Variants in PLEKHA5 observed in about 807,000 individuals in gnomAD.
The protein encoded by PLEKHA5 is pleckstrin homology domain-containing family A member 5.
PLEKHA5 carries 55 observed loss-of-function variants against 181.9 expected under a neutral mutation model. The ratio of observed to expected loss-of-function variants is 0.30; its 90% confidence interval spans 0.24 to 0.38. PLEKHA5 has a LOEUF of 0.38. Ranked by LOEUF, PLEKHA5 falls within the 10% of genes least tolerant of loss-of-function variation. The probability of loss-of-function intolerance (pLI) is 1.00; values close to 1 mark genes in which losing one functional copy is unlikely to be tolerated. For missense variants in PLEKHA5, 1,432 were observed against 1,549.5 expected, an observed-to-expected ratio of 0.92 and a Z score of 1.27; for synonymous variants, 535 against 529.4, an observed-to-expected ratio of 1.01 and a Z score of -0.15.
chr12:19,243,562 A>G (rs1489653116), intron 3 of PLEKHA5: 1 of 152,164 alleles, frequency 6.6e-6, no homozygotes, highest in Non-Finnish European at 1.5e-5. Context: ...TCTCCCAAGA[A>G]ATTGGAAATT....
chr12:19,371,918 A>G (rs1223636398), intron 31 of PLEKHA5: 3 of 152,252 alleles, frequency 2.0e-5, no homozygotes, highest in African/African-American at 7.2e-5. Flanking sequence ...ACTAGTTTAC[A>G]TTCCCACCAG....
At chr12:19,129,961 G>C (rs1168545648) in intron 1 of PLEKHA5, 73 bp downstream of exon 1, 1 of 1,470,652 alleles carries the variant, frequency 6.8e-7, no homozygotes, top group Non-Finnish European at 9.3e-7. Flanking sequence ...CGACACGGGG[G>C]AGAGCCCGGG....
chr12:19,250,498 G>A (rs1374666267), intron 3 of PLEKHA5, among the ~76,000 whole-genome samples: 2 of 151,982 alleles, frequency 1.3e-5, no homozygotes, highest in Admixed American at 6.6e-5. Context: ...CAGGAGAATC[G>A]CTTGAACCTG....
intron 30 of PLEKHA5, among the ~76,000 whole-genome samples, chr12:19,367,567 TTTTTA>T (rs199571526): frequency 2.0e-5 from 3 of 151,208 alleles, no homozygotes; most frequent in South Asian, 2.1e-4. Context: ...CTTTGCTTCT[TTTTTA>T]TTTTATTTTA....
rs116748533 is a variant in PLEKHA5 at position 19,137,110 on chromosome 12, G to A, written c.227+4660G>A. ...CCAGGCTGGCATGATCTCAGCTCAC[G>A]CAACGTCCACCTCCCGGGTTCAAGC... On this transcript the variant is annotated intron_variant, in intron 3 of 31. Transcript: ENST00000429027. Among the ~76,000 whole-genome samples the A allele has an allele frequency of 2.4e-3, 371 of 151,764 alleles. 3 individuals are homozygous for A. The highest frequency in any genetic ancestry group is 0.01 in the Middle Eastern group (3 of 292).
chr12:19,299,902 G>T (rs781432502), intron 15 of PLEKHA5, among the ~76,000 whole-genome samples: 15 of 152,202 alleles, frequency 9.9e-5, no homozygotes, highest in Non-Finnish European at 2.1e-4. Context: ...TAAGCCTTCA[G>T]TCTTCCACCA....
chr12:19,347,324 G>A (rs989732543), intron 24 of PLEKHA5, 142 bp downstream of exon 24: 9 of 397,246 alleles, frequency 2.3e-5, no homozygotes, highest in Non-Finnish European at 3.1e-5. Context: ...GTTTATATAT[G>A]ACTTTATCAT....
At chr12:19,181,733 G>T (rs1031751805) in intron 3 of PLEKHA5, among the ~76,000 whole-genome samples, 12 of 152,116 alleles carry the variant, frequency 7.9e-5, no homozygotes, top group African/African-American at 2.9e-4. Flanking sequence ...CCGAGATCGC[G>T]CCACTGCACT....
chr12:19,272,717 A>ATACG (rs1266172649), intron 10 of PLEKHA5, among the ~76,000 whole-genome samples: 2 of 152,208 alleles, frequency 1.3e-5, no homozygotes, highest in Non-Finnish European at 2.9e-5. Context: ...CCCCTGGGTT[A>ATACG]TACGGCAAGA....
chr12:19,177,216 T>C (rs969257816), intron 3 of PLEKHA5, among the ~76,000 whole-genome samples: 1 of 152,164 alleles, frequency 6.6e-6, no homozygotes, highest in Non-Finnish European at 1.5e-5. Flanking sequence ...ATGTCTCTTA[T>C]CAGTTTCCAA....
At chr12:19,227,667 G>A (rs1412463320) in intron 3 of PLEKHA5, among the ~76,000 whole-genome samples, 1 of 152,112 alleles carries the variant, frequency 6.6e-6, no homozygotes, top group African/African-American at 2.4e-5. Flanking sequence ...TAATTAACAT[G>A]CCTGTACCTA....
At chr12:19,259,810 CT>C (rs2067921158) in intron 6 of PLEKHA5, among the ~76,000 whole-genome samples, 1 of 106,308 alleles carries the variant, frequency 9.4e-6, no homozygotes, top group African/African-American at 3.8e-5. Flanking sequence ...TTTTTGGTTT[CT>C]TTTTTGGTAT....
At chr12:19,185,837 A>C (rs1354589459) in intron 3 of PLEKHA5, among the ~76,000 whole-genome samples, 1 of 152,238 alleles carries the variant, frequency 6.6e-6, no homozygotes, top group Non-Finnish European at 1.5e-5. Flanking sequence ...TTAACTAATT[A>C]ATAACACACA....
chr12:19,152,568 A>G (rs1409930482), intron 3 of PLEKHA5: 1 of 152,232 alleles, frequency 6.6e-6, no homozygotes, highest in African/African-American at 2.4e-5. Context: ...TAGCAGTAGT[A>G]CGAACTTGGG....
rs539016540 is a variant in PLEKHA5 at position 19,334,975 on chromosome 12, T to C, written c.2449-1540T>C. On this transcript the variant is annotated intron_variant, in intron 20 of 31. Coordinates refer to ENST00000429027, the MANE Select transcript of PLEKHA5 (RefSeq NM_001256470.2). ...ATAATTTTTCTTCACCTAAGATTTT[T>C]TTTTTATGAAAAAAAAAAAAAAAAA... Among the ~76,000 whole-genome samples, 120 of 116,026 alleles carry C rather than the reference T, an allele frequency of 1.0e-3. 2 individuals carry two copies. The highest frequency in any genetic ancestry group is 4.1e-3 in the African/African-American group (115 of 28,114). 76.1% of individuals were successfully genotyped at this position (116,026 alleles called of 152,430 possible).
chr12:19,143,394 A>T (rs12823891), intron 3 of PLEKHA5, among the ~76,000 whole-genome samples: 4 of 152,154 alleles, frequency 2.6e-5, no homozygotes, highest in Admixed American at 1.3e-4. Flanking sequence ...AACCTGTTTT[A>T]TAATGTTAAG....
intron 3 of PLEKHA5, among the ~76,000 whole-genome samples, chr12:19,211,015 G>A (rs956244540): frequency 4.6e-5 from 7 of 152,000 alleles, no homozygotes; most frequent in African/African-American, 7.2e-5. Flanking sequence ...AAACTTAGCC[G>A]TGTATTTTAA....
intron 3 of PLEKHA5, among the ~76,000 whole-genome samples, chr12:19,189,658 T>A (rs2050646246): frequency 6.6e-6 from 1 of 152,150 alleles, no homozygotes; most frequent in Non-Finnish European, 1.5e-5. Flanking sequence ...GGTATACCAG[T>A]CTGCAACTCA....
chr12:19,156,373 GTAT>G (rs1298604826), intron 3 of PLEKHA5, among the ~76,000 whole-genome samples: 1 of 151,968 alleles, frequency 6.6e-6, no homozygotes, highest in Non-Finnish European at 1.5e-5. Flanking sequence ...TGAAACCCAT[GTAT>G]TATTGGTAAA....
Sources: gnomAD v4.1 joint callset for allele counts (sites outside exome capture counted in the v4.1 genomes callset) on GRCh38, gnomAD v4.1.1 for gene constraint, MANE v1.5 for transcripts, NCBI Gene and HGNC (gene_info 2026-07-23, HGNC 2026-07-21) for gene names.